Variants in KIAA1217 observed in about 807,000 individuals in gnomAD.
KIAA1217 encodes the protein KIAA1217, also known as sickle tail protein homolog.
In KIAA1217, 88 loss-of-function variants were observed where a neutral mutation model predicts 163.9. The observed-to-expected ratio is 0.54, with a 90% confidence interval of 0.45 to 0.64. The LOEUF (loss-of-function observed/expected upper bound fraction) is 0.64, where lower values mean the gene tolerates loss of function less well. Ranked by LOEUF, KIAA1217 falls within the 30% of genes least tolerant of loss-of-function variation. The pLI, the probability that KIAA1217 is intolerant of heterozygous loss-of-function variation, is 0.00. For missense variants in KIAA1217, 2,372 were observed against 2,475.0 expected, an observed-to-expected ratio of 0.96 and a Z score of 0.88; for synonymous variants, 903 against 923.1, an observed-to-expected ratio of 0.98 and a Z score of 0.39.
intron 1 of KIAA1217, among the ~76,000 whole-genome samples, chr10:23,766,587 C>CTTTTTTTTTTTTTTTT (rs766892555): frequency 7.5e-6 from 1 of 133,758 alleles, no homozygotes; most frequent in African/African-American, 3.0e-5. Context: ...TTCTTTCTTT[C>CTTTTTTTTTTTTTTTT]TTTTTTCTTT....
At chr10:24,318,655 C>T (rs1364605141) in intron 2 of KIAA1217, among the ~76,000 whole-genome samples, 4 of 150,238 alleles carry the variant, frequency 2.7e-5, no homozygotes, top group African/African-American at 7.4e-5. Flanking sequence ...GGGATGTGTG[C>T]ACCTGTTGGG....
chr10:24,531,025 G>A (rs1367650578), intron 14 of KIAA1217, among the ~76,000 whole-genome samples: 2 of 134,656 alleles, frequency 1.5e-5, no homozygotes, highest in Admixed American at 7.1e-5. Context: ...CAGAAACCCC[G>A]CCTGTAAAAA....
chr10:23,976,647 A>G (rs1399624653), intron 1 of KIAA1217, among the ~76,000 whole-genome samples: 1 of 152,204 alleles, frequency 6.6e-6, no homozygotes, highest in African/African-American at 2.4e-5. Context: ...TTATTAGGAC[A>G]GATTTAGAAA....
intron 1 of KIAA1217, among the ~76,000 whole-genome samples, chr10:23,827,597 G>A (rs1837956830): frequency 6.6e-6 from 1 of 152,202 alleles, no homozygotes; most frequent in Non-Finnish European, 1.5e-5. Flanking sequence ...GGACGATTGT[G>A]TCTCTGCCTG....
At chr10:24,330,452 G>T (rs1048931223) in intron 2 of KIAA1217, among the ~76,000 whole-genome samples, 49 of 152,104 alleles carry the variant, frequency 3.2e-4, no homozygotes, top group African/African-American at 1.2e-3. Flanking sequence ...AAATTTTAGA[G>T]CAAAAGGAAC....
At chr10:24,334,231 G>A (rs1237983400) in intron 2 of KIAA1217, among the ~76,000 whole-genome samples, 1 of 152,136 alleles carries the variant, frequency 6.6e-6, no homozygotes, top group Non-Finnish European at 1.5e-5. Context: ...GGATGACTTA[G>A]TCTATTGCAA....
chr10:24,437,904 G>A (rs1435075742), intron 4 of KIAA1217, among the ~76,000 whole-genome samples: 2 of 82,594 alleles, frequency 2.4e-5, no homozygotes, highest in African/African-American at 9.7e-5. Flanking sequence ...AGTGTTTGAA[G>A]GCAAAAAAAA....
In KIAA1217 at chr10:24,531,915, C is replaced by T; in HGVS notation, c.3168C>T (p.Tyr1056=). 1 of 1,610,724 alleles carries T rather than the reference C, an allele frequency of 6.2e-7. No individual in the cohort carries two copies. Among genetic ancestry groups the T allele is most frequent in the Non-Finnish European group, 8.5e-7 (1 of 1,178,052 alleles). Residue 1056 remains tyrosine (Y), a synonymous_variant, in exon 15 of 21, where the codon TAC becomes TAT. Transcript: ENST00000376454. The stretch of plus-strand genomic sequence containing the variant: ...CTCCGCCACCTCCTCGTCGAAGCTA[C>T]CTGCCAGGATCGGGACTCACCACCA... ...PPPPPPPRRS[Y]LPGSGLTTTR... is the part of the protein sequence containing the mutation.
intron 1 of KIAA1217, among the ~76,000 whole-genome samples, chr10:23,945,305 T>C (rs1038815147): frequency 3.9e-5 from 6 of 152,124 alleles, no homozygotes; most frequent in Admixed American, 6.5e-5. Flanking sequence ...ATAAAAGAGG[T>C]AAATATTGAT....
chr10:23,854,172 C>G (rs138288716), intron 1 of KIAA1217, among the ~76,000 whole-genome samples: 514 of 152,164 alleles, frequency 3.4e-3, no homozygotes, highest in African/African-American at 0.012. Flanking sequence ...TTTCCCTCTA[C>G]ATGCTGCTTT....
rs534067992 is a variant in KIAA1217 at position 24,215,679 on chromosome 10, C to T, written c.71-3947C>T. The stretch of plus-strand genomic sequence containing the variant: ...AATGGCTGGAATGGCAGAGTTGTTG[C>T]TTCTCCCCCAGGTGTGGGGCTTGAC... On this transcript the variant is annotated intron_variant, in intron 1 of 20. Coordinates refer to ENST00000376454, the MANE Select transcript of KIAA1217 (RefSeq NM_019590.5). Among the ~76,000 whole-genome samples, 181 of 152,286 alleles carry T rather than the reference C, an allele frequency of 1.2e-3. 1 individual carries two copies. The highest frequency in any genetic ancestry group is 2.4e-4 in the Non-Finnish European group (16 of 68,020).
chr10:24,251,936 T>G, intron 2 of KIAA1217, among the ~76,000 whole-genome samples: 1 of 150,126 alleles, frequency 6.7e-6, no homozygotes, highest in African/African-American at 2.5e-5. Context: ...TCAGAGGCAG[T>G]GTGTGAGAAG....
intron 2 of KIAA1217, among the ~76,000 whole-genome samples, chr10:24,037,753 T>A (rs1230452549): frequency 6.6e-6 from 1 of 152,236 alleles, no homozygotes. Flanking sequence ...CTGAGATTAC[T>A]CACAATTCAA....
intron 13 of KIAA1217, among the ~76,000 whole-genome samples, chr10:24,525,589 A>G (rs1452951207): frequency 3.3e-5 from 5 of 152,176 alleles, no homozygotes; most frequent in African/African-American, 1.2e-4. Context: ...GAATTGATTG[A>G]GGTGGTGGGT....
At chr10:24,335,773 C>T (rs1591068561) in intron 2 of KIAA1217, among the ~76,000 whole-genome samples, 2 of 151,888 alleles carry the variant, frequency 1.3e-5, no homozygotes, top group Non-Finnish European at 2.9e-5. Flanking sequence ...CCACACCCAG[C>T]CACTGTAAAA....
chr10:24,158,509 G>T (rs1034906618), intron 2 of KIAA1217: 12 of 520,270 alleles, frequency 2.3e-5, no homozygotes, highest in African/African-American at 2.1e-4. Context: ...CTTAACCAAA[G>T]ATGGGAGGAT....
chr10:24,277,082 A>G (rs917008709), intron 2 of KIAA1217, among the ~76,000 whole-genome samples: 2 of 152,162 alleles, frequency 1.3e-5, no homozygotes, highest in South Asian at 2.1e-4. Flanking sequence ...AAGCTTTTAA[A>G]CCAATCTTAA....
chr10:23,749,971 G>A lies in KIAA1217; in HGVS notation c.-321+54737G>A, dbSNP rs75998156. On this transcript the variant is annotated intron_variant, in intron 1 of 18. Coordinates refer to the KIAA1217 transcript ENST00000376462. ...TGTCTCCTGTGTTTTGTTTCTTTCC[G>A]TTTCCTTTCTCTTCTTCTCTTCTCC... is the stretch of plus-strand genomic sequence containing the variant. 9.2e-3 allele frequency among the ~76,000 whole-genome samples: 1,404 copies of A among 151,980 alleles called. 21 individuals are homozygous for A. The highest frequency in any genetic ancestry group is 0.032 in the African/African-American group (1,335 of 41,436).
chr10:24,188,477 A>G (rs1287955979), intron 2 of KIAA1217, among the ~76,000 whole-genome samples: 11 of 152,196 alleles, frequency 7.2e-5, no homozygotes, highest in Non-Finnish European at 1.0e-4. Context: ...TTGAACCTCT[A>G]GCCTGTGGCA....
Sources: gnomAD v4.1 joint callset for allele counts (sites outside exome capture counted in the v4.1 genomes callset) on GRCh38, gnomAD v4.1.1 for gene constraint, MANE v1.5 for transcripts, NCBI Gene and HGNC (gene_info 2026-07-23, HGNC 2026-07-21) for gene names.